KIAA1958: variants seen among roughly 807,000 people sequenced by gnomAD.
KIAA1958 encodes the protein KIAA1958, also known as uncharacterized protein KIAA1958.
Under a neutral mutation model 47.2 loss-of-function variants are expected in KIAA1958, and 14 were observed. The ratio of observed to expected loss-of-function variants is 0.30; its 90% CI spans 0.20 to 0.46. The LOEUF (loss-of-function observed/expected upper bound fraction) is 0.46. Ranked by LOEUF, KIAA1958 falls within the 20% of genes least tolerant of loss-of-function variation. KIAA1958 has a pLI of 1.00. For missense variants in KIAA1958, 803 were observed against 909.2 expected, an observed-to-expected ratio of 0.88 and a Z score of 1.50; for synonymous variants, 354 against 353.3, an observed-to-expected ratio of 1.00 and a Z score of -0.02.
intron 2 of KIAA1958, among the ~76,000 whole-genome samples, chr9:112,624,215 T>G (rs1836563457): frequency 6.6e-6 from 1 of 152,204 alleles, no homozygotes; most frequent in East Asian, 1.9e-4. Context: ...AATAAATGTT[T>G]CCCAAATAGA....
intron 1 of KIAA1958, among the ~76,000 whole-genome samples, chr9:112,530,640 A>G (rs527474293): frequency 2.0e-5 from 3 of 152,326 alleles, no homozygotes; most frequent in African/African-American, 7.2e-5. Context: ...CCACAGTTTT[A>G]TACTTTCAAT....
intron 2 of KIAA1958, among the ~76,000 whole-genome samples, chr9:112,634,696 T>A (rs1321114673): frequency 1.3e-5 from 2 of 152,200 alleles, no homozygotes; most frequent in Non-Finnish European, 2.9e-5. Flanking sequence ...CCACAACATC[T>A]TCTGCCACTG....
At chr9:112,603,963 GAGACAAAAT>G (rs1159146756) in intron 2 of KIAA1958, among the ~76,000 whole-genome samples, 2 of 152,170 alleles carry the variant, frequency 1.3e-5, no homozygotes, top group African/African-American at 2.4e-5. Flanking sequence ...AGTGAAAAAT[GAGACAAAAT>G]AGTCTTCTCT....
At chr9:112,627,152 T>C (rs1189258116) in intron 2 of KIAA1958, among the ~76,000 whole-genome samples, 1 of 152,232 alleles carries the variant, frequency 6.6e-6, no homozygotes, top group Non-Finnish European at 1.5e-5. Flanking sequence ...TCTTGTGTCA[T>C]GTTTATAATT....
chr9:112,617,941 G>A (rs1302005333), intron 2 of KIAA1958: 9 of 1,550,500 alleles, frequency 5.8e-6, no homozygotes, highest in Admixed American at 2.0e-5. Context: ...CGCAGACCGC[G>A]CTCCGCAATT....
At chr9:112,591,215 C>T (rs1370150920) in intron 2 of KIAA1958, among the ~76,000 whole-genome samples, 1 of 152,138 alleles carries the variant, frequency 6.6e-6, no homozygotes, top group East Asian at 1.9e-4. Flanking sequence ...TCCTGAGTAG[C>T]TGGGACTACA....
At position 112,487,021 on chromosome 9, in the gene KIAA1958, G is replaced by A. The variant is rs1340424022; in HGVS notation, c.-122G>A. On this transcript the variant is annotated 5_prime_UTR_variant, in exon 1 of 4. Transcript: ENST00000337530. ...CTGGCCGCTCTCCTCCCGCCCTCGC[G>A]CCCCTTCGGCCCGTCCCGTCCAGCC... The A allele has an allele frequency of 5.4e-6, 1 of 184,614 alleles. No individual in the cohort carries two copies. The highest frequency in any genetic ancestry group is 8.5e-5 in the South Asian group (1 of 11,744). The allele number at this position is 184,614 out of a possible 1,614,324, so 11.4% of individuals were successfully genotyped here.
intron 1 of KIAA1958, among the ~76,000 whole-genome samples, chr9:112,488,724 A>G (rs1833912613): frequency 6.6e-6 from 1 of 152,236 alleles, no homozygotes; most frequent in Admixed American, 6.5e-5. Context: ...ATGTATTTAA[A>G]TTTTCATTAA....
intron 2 of KIAA1958, among the ~76,000 whole-genome samples, chr9:112,628,480 ATG>A (rs1836656833): frequency 6.6e-6 from 1 of 152,232 alleles, no homozygotes; most frequent in South Asian, 2.1e-4. Context: ...AAATTTAATT[ATG>A]TGTGGTCTAA....
chr9:112,528,312 C>T lies in KIAA1958; in HGVS notation c.-25+41194C>T, dbSNP rs150418977. ...CACGTGACAGAATGTTTCTGCATCCCCCTCCACCTCAGTCATTTGGGGCCT... is the reference window on the plus strand; with the variant it reads ...CACGTGACAGAATGTTTCTGCATCCTCCTCCACCTCAGTCATTTGGGGCCT... On this transcript the variant is annotated intron_variant, in intron 1 of 3. Coordinates refer to ENST00000337530, the MANE Select transcript of KIAA1958 (RefSeq NM_133465.4). Among the ~76,000 whole-genome samples, 1,389 of 152,256 alleles carry T rather than the reference C, an allele frequency of 9.1e-3. 11 individuals carry two copies. Among genetic ancestry groups the T allele is most frequent in the Non-Finnish European group, 0.013 (889 of 68,010 alleles).
At chr9:112,574,020 G>T in intron 1 of KIAA1958, 37 bp from the exon 2 acceptor site, 1 of 1,087,686 alleles carries the variant, frequency 9.2e-7, no homozygotes, top group African/African-American at 1.6e-5. Flanking sequence ...ATTATCTTGG[G>T]TAATAATGGC....
chr9:112,543,468 T>G (rs1240160438), intron 1 of KIAA1958, among the ~76,000 whole-genome samples: 1 of 152,180 alleles, frequency 6.6e-6, no homozygotes, highest in Non-Finnish European at 1.5e-5. Flanking sequence ...TATGGTGTTT[T>G]GTGTGGGATA....
At position 112,516,579 on chromosome 9, in the gene KIAA1958, G is replaced by A. The variant is rs867289016; in HGVS notation, c.-25+29461G>A. Among the ~76,000 whole-genome samples the A allele has an allele frequency of 3.9e-5, 6 of 152,188 alleles. No individual in the cohort carries two copies. The South Asian group carries it at 8.3e-4, about 21-fold the overall frequency. On this transcript the variant is annotated intron_variant, in intron 1 of 3. Coordinates refer to ENST00000337530, the MANE Select transcript of KIAA1958 (RefSeq NM_133465.4). ...CAATCTCAGTTAATATTTCAGCAAA[G>A]TTTTTAGTAGAAATTGACAAACTGA... is the stretch of plus-strand genomic sequence containing the variant.
At chr9:112,552,451 G>A (rs7854212) in intron 1 of KIAA1958, among the ~76,000 whole-genome samples, 145,452 of 152,302 alleles carry the variant, frequency 0.96, 69,531 homozygotes, top group African/African-American at 0.99. Flanking sequence ...AAATAGAAAA[G>A]TAGACTGCCA....
intron 2 of KIAA1958, among the ~76,000 whole-genome samples, chr9:112,640,705 C>A (rs545182523): frequency 6.6e-6 from 1 of 152,132 alleles, no homozygotes; most frequent in Non-Finnish European, 1.5e-5. Context: ...TCCCTTCTTT[C>A]TGTAATTTTT....
At chr9:112,552,104 C>T (rs765999796) in intron 1 of KIAA1958, among the ~76,000 whole-genome samples, 3 of 152,100 alleles carry the variant, frequency 2.0e-5, no homozygotes, top group South Asian at 2.1e-4. Context: ...CAGCTTTTGC[C>T]TCATCATTAT....
chr9:112,589,164 T>A (rs1157257425), intron 2 of KIAA1958, among the ~76,000 whole-genome samples: 1 of 152,232 alleles, frequency 6.6e-6, no homozygotes, highest in Non-Finnish European at 1.5e-5. Flanking sequence ...TTTTTGAGAA[T>A]TTTAATTAGA....
At chr9:112,513,205 A>C (rs76663988) in intron 1 of KIAA1958, among the ~76,000 whole-genome samples, 1 of 132,420 alleles carries the variant, frequency 7.6e-6, no homozygotes, top group Non-Finnish European at 1.6e-5. Flanking sequence ...GGGTTTCACC[A>C]TGTTGGCCAG....
intron 1 of KIAA1958, among the ~76,000 whole-genome samples, chr9:112,488,507 G>A (rs1833908855): frequency 6.6e-6 from 1 of 152,006 alleles, no homozygotes; most frequent in African/African-American, 2.4e-5. Context: ...CTACTGCTCC[G>A]TTCTGGAAAC....
Sources: allele counts gnomAD v4.1 joint callset (sites outside exome capture counted in the v4.1 genomes callset), GRCh38; gene constraint gnomAD v4.1.1; transcripts MANE v1.5; gene names NCBI Gene and HGNC (gene_info 2026-07-23, HGNC 2026-07-21).